The following UBIAD1 variants were observed in gnomAD, a reference collection of about 807,000 sequenced individuals.
UBIAD1 encodes the protein ubiA prenyltransferase domain-containing protein 1.
In UBIAD1, 12 loss-of-function variants were observed where a neutral mutation model predicts 20.1. The observed-to-expected ratio is 0.60, with a 90% CI of 0.38 to 0.97. The LOEUF (loss-of-function observed/expected upper bound fraction) is 0.97. Among genes scored for constraint, UBIAD1 ranks in the 50% least tolerant of loss-of-function variants. UBIAD1 has a pLI of 0.00. For synonymous variants in UBIAD1, 207 were observed against 189.2 expected (o/e 1.09, Z -0.77); for missense variants, 333 against 419.5 (o/e 0.79, Z 1.80).
downstream of UBIAD1, among the ~76,000 whole-genome samples, chr1:11,291,318 T>C (rs757589305): frequency 1.3e-5 from 2 of 152,068 alleles, no homozygotes; most frequent in African/African-American, 2.4e-5. Context: ...CTATGAAATA[T>C]GGAATGGGGC....
At chr1:11,281,830 G>A (rs1319430202) in intron 1 of UBIAD1, among the ~76,000 whole-genome samples, 2 of 152,102 alleles carry the variant, frequency 1.3e-5, no homozygotes, top group African/African-American at 4.8e-5. Flanking sequence ...TATGAACTAT[G>A]TATGTATGTA....
In UBIAD1 at chr1:11,273,474, C is replaced by T. The variant is rs573648792; in HGVS notation, c.-58C>T. ...GCCCCGCCCCGTCCTTCCTCCTTCC[C>T]GGGCGGTCACTGTGCGTGGCTCACT... is the stretch of plus-strand genomic sequence containing the variant. On this transcript the variant is annotated 5_prime_UTR_variant, in exon 1 of 2. Coordinates refer to ENST00000376810, the MANE Select transcript of UBIAD1 (RefSeq NM_013319.3). This position sits in a 1 kb window ranked among gnomAD's most constrained non-coding sequence, Gnocchi z 4.9. The T allele has an allele frequency of 1.4e-5, 23 of 1,602,046 alleles. No homozygotes were observed. Among genetic ancestry groups the T allele is most frequent in the African/African-American group, 1.3e-4 (10 of 74,894 alleles).
downstream of UBIAD1, among the ~76,000 whole-genome samples, chr1:11,290,894 C>T (rs1557522293): frequency 1.4e-5 from 2 of 141,632 alleles, no homozygotes; most frequent in Non-Finnish European, 2.9e-5. Flanking sequence ...ACCCAGGAAG[C>T]GGAGGTTGCA....
At position 11,286,428 on chromosome 1, in the gene UBIAD1, A is replaced by G; in HGVS notation, c.*297A>G. On this transcript the variant is annotated 3_prime_UTR_variant, in exon 2 of 2. Transcript: ENST00000376810. ...GTGTTCTCAGGTCACTTTGCAGTGAAGTGGACTTAGTTCCTCCTTGTTCTG... is the reference window on the plus strand; with the variant it reads ...GTGTTCTCAGGTCACTTTGCAGTGAGGTGGACTTAGTTCCTCCTTGTTCTG... 2.3e-6 allele frequency: 1 copy of G among 429,926 alleles called. No individual in the cohort carries two copies. The highest frequency in any genetic ancestry group is 4.3e-6 in the Non-Finnish European group (1 of 232,962). The allele number at this position is 429,926 out of a possible 1,614,324, so 26.6% of individuals were successfully genotyped here.
In UBIAD1 at chr1:11,273,650, G is replaced by T; in HGVS notation, c.119G>T (p.Arg40Leu). ...DCPEQDRLPQ[R>L]SWRQKCASYV... ...CCCGAGCAAGATAGGCTCCCCCAGCGCTCCTGGAGGCAGAAGTGTGCCTCC... is the reference window on the plus strand; with the variant it reads ...CCCGAGCAAGATAGGCTCCCCCAGCTCTCCTGGAGGCAGAAGTGTGCCTCC... Residue 40 changes from arginine to leucine, a missense_variant, in exon 1 of 2, where the codon CGC (arginine) becomes CTC (leucine). Physicochemically the swap from Arg to Leu is moderately radical, Grantham distance 102. Transcript: ENST00000376810. This position sits in a 1 kb window ranked among gnomAD's most constrained non-coding sequence, Gnocchi z 4.9. 1.2e-6 allele frequency: 2 copies of T among 1,614,116 alleles called. No homozygotes were observed. Among genetic ancestry groups the T allele is most frequent in the South Asian group, 2.2e-5 (2 of 91,084 alleles).
intron 1 of UBIAD1, among the ~76,000 whole-genome samples, chr1:11,277,874 C>T (rs528079141): frequency 1.3e-5 from 2 of 152,282 alleles, no homozygotes; most frequent in East Asian, 3.9e-4. Flanking sequence ...AAACTCCTGA[C>T]CTCAGGTGAT....
chr1:11,282,586 A>C (rs1440514864), intron 1 of UBIAD1, among the ~76,000 whole-genome samples: 2 of 145,986 alleles, frequency 1.4e-5, no homozygotes, highest in African/African-American at 2.6e-5. Flanking sequence ...TTCAAAAGAC[A>C]GAGTTTAGCT....
downstream of UBIAD1, among the ~76,000 whole-genome samples, chr1:11,291,303 A>G (rs1304254685): frequency 2.0e-5 from 3 of 152,102 alleles, no homozygotes; most frequent in Admixed American, 2.0e-4. Flanking sequence ...GCATTTGACA[A>G]CATGCTATGA....
At chr1:11,283,217 A>C (rs1389141545) in intron 1 of UBIAD1, among the ~76,000 whole-genome samples, 1 of 152,046 alleles carries the variant, frequency 6.6e-6, no homozygotes, top group Admixed American at 6.6e-5. Flanking sequence ...GACTCCAGCC[A>C]AAGGTCAAGG....
At position 11,294,853 on chromosome 1, in the gene UBIAD1, A is replaced by G. The variant is rs190801584; in HGVS notation, c.530-20A>G. ...CCTGTCCCCTCATCTGTCTGTCCTC[A>G]TTCGTCTCGTCTCTTCCAGTCCTCA... On this transcript the variant is annotated intron_variant, in intron 1 of 1. Transcript: ENST00000376804. The G allele has an allele frequency of 4.3e-3, 3,054 of 717,460 alleles. 6 individuals are homozygous for G. Among genetic ancestry groups the G allele is most frequent in the Non-Finnish European group, 6.9e-3 (2,664 of 385,090 alleles). 44.4% of individuals were successfully genotyped at this position (717,460 alleles called of 1,614,324 possible). A position where few individuals can be genotyped will look rare whatever the true frequency, so the allele number is the denominator to read the frequency against.
At position 11,286,352 on chromosome 1, in the gene UBIAD1, A is replaced by C; in HGVS notation, c.*221A>C. On this transcript the variant is annotated 3_prime_UTR_variant, in exon 2 of 2. Transcript: ENST00000376810. ...AATTTAAAAACCATTCTTGTATCAG[A>C]AGGTGAATTAGGCGCATGGTCTTTG... is the stretch of plus-strand genomic sequence containing the variant. 1.6e-6 allele frequency: 1 copy of C among 621,652 alleles called. No homozygotes were observed. The highest frequency in any genetic ancestry group is 2.7e-6 in the Non-Finnish European group (1 of 364,860). 38.5% of individuals were successfully genotyped at this position (621,652 alleles called of 1,614,324 possible).
At chr1:11,283,281 A>G (rs1652304998) in intron 1 of UBIAD1, among the ~76,000 whole-genome samples, 1 of 152,146 alleles carries the variant, frequency 6.6e-6, no homozygotes, top group Non-Finnish European at 1.5e-5. Flanking sequence ...TCACTTGGGG[A>G]GCTGAGAAAA....
In UBIAD1 at chr1:11,274,070, G is replaced by A. The variant is rs774152540; in HGVS notation, c.529+10G>A. On this transcript the variant is annotated intron_variant, in intron 1 of 1. Coordinates refer to ENST00000376810, the MANE Select transcript of UBIAD1 (RefSeq NM_013319.3). ...TTTCTCTACACAGGAGGTAAGATTT[G>A]GCCTGTCCTGTGTGCTGCAGGTCTT... is the stretch of plus-strand genomic sequence containing the variant. The A allele has an allele frequency of 2.5e-6, 4 of 1,613,998 alleles. No individual in the cohort carries two copies. The Admixed American group carries it at 6.7e-5, about 27-fold the overall frequency.
chr1:11,298,442 T>C (rs954860482), downstream of UBIAD1, among the ~76,000 whole-genome samples: 4 of 151,838 alleles, frequency 2.6e-5, no homozygotes, highest in Non-Finnish European at 5.9e-5. The surrounding 1 kb of genome is among the most constrained non-coding windows in gnomAD (Gnocchi z 4.0). Context: ...GTGGCACATA[T>C]TGTAATCCCA....
At chr1:11,299,397 C>T (rs1449782569), downstream of UBIAD1, among the ~76,000 whole-genome samples, 2 of 152,232 alleles carry the variant, frequency 1.3e-5, no homozygotes, top group Admixed American at 1.3e-4. Flanking sequence ...AACCACCGCA[C>T]AGGAGCACCA....
intron 1 of UBIAD1, among the ~76,000 whole-genome samples, chr1:11,278,110 A>G (rs897912436): frequency 6.6e-6 from 1 of 151,782 alleles, no homozygotes; most frequent in African/African-American, 2.4e-5. Flanking sequence ...GGCGCGTGCT[A>G]CCACGCCTGG....
At chr1:11,294,691 C>T (rs1638420617) in intron 1 of UBIAD1, among the ~76,000 whole-genome samples, 1 of 152,204 alleles carries the variant, frequency 6.6e-6, no homozygotes, top group Non-Finnish European at 1.5e-5. Context: ...AGTAACTAAG[C>T]TTGTTGGTCT....
Position 11,294,910 on chromosome 1 carries a change from G to T in UBIAD1, c.*27G>T, listed in dbSNP as rs564031197. The T allele has an allele frequency of 8.4e-6, 6 of 717,456 alleles. No homozygotes were observed. The East Asian group carries it at 1.6e-4, about 19-fold the overall frequency. 44.4% of individuals were successfully genotyped at this position (717,456 alleles called of 1,614,324 possible). A position where few individuals can be genotyped will look rare whatever the true frequency, so the allele number is the denominator to read the frequency against. ...CACTGAAGCAGAGTGCCCACATCAG[G>T]AGCAGCCAGTGCTCAAGCTCCCAGA... is the stretch of plus-strand genomic sequence containing the variant. On this transcript the variant is annotated 3_prime_UTR_variant, in exon 2 of 2. Transcript: ENST00000376804.
At chr1:11,294,918 A>G (rs766197636) in exon 2 of UBIAD1, 1 of 717,514 alleles carries the variant, frequency 1.4e-6, no homozygotes. Context: ...AGGAGCAGCC[A>G]GTGCTCAAGC....
Sources: allele counts gnomAD v4.1 joint callset (sites outside exome capture counted in the v4.1 genomes callset), GRCh38; gene constraint gnomAD v4.1.1; non-coding constraint Gnocchi (gnomAD v3.1); transcripts MANE v1.5; gene names NCBI Gene and HGNC (gene_info 2026-07-23, HGNC 2026-07-21).